The following DOCK8 variants were observed in gnomAD, a reference collection of about 807,000 sequenced individuals.
The protein encoded by DOCK8 is dedicator of cytokinesis protein 8.
Under a neutral mutation model 245.6 loss-of-function variants are expected in DOCK8, and 141 were observed. The observed-to-expected ratio is 0.57, with a 90% confidence interval of 0.50 to 0.66. The LOEUF is 0.66. Ranked by LOEUF, DOCK8 falls within the 30% of genes least tolerant of loss-of-function variation. The pLI is 0.00. For synonymous variants in DOCK8, 1,168 were observed against 970.2 expected (o/e 1.20, Z -3.79); for missense variants, 2,965 against 2,603.4 (o/e 1.14, Z -3.02).
intron 28 of DOCK8, among the ~76,000 whole-genome samples, chr9:407,820 A>C (rs922991438): frequency 6.6e-6 from 1 of 152,224 alleles, no homozygotes; most frequent in Non-Finnish European, 1.5e-5. Flanking sequence ...CATCAGAGAT[A>C]TATCAGTGCA....
intron 1 of DOCK8, among the ~76,000 whole-genome samples, chr9:219,013 A>T (rs1471719006): frequency 6.6e-6 from 1 of 152,230 alleles, no homozygotes; most frequent in East Asian, 1.9e-4. Flanking sequence ...CTGAGATTCA[A>T]ATGCAGGCAG....
At chr9:347,767 A>C (rs1050274580) in intron 14 of DOCK8, among the ~76,000 whole-genome samples, 2 of 152,180 alleles carry the variant, frequency 1.3e-5, no homozygotes. Flanking sequence ...CACATTCCTA[A>C]TGCCTTGCTC....
At chr9:429,930 AT>A (rs1330804303) in intron 36 of DOCK8, 76 bp downstream of exon 36, 4 of 1,568,210 alleles carry the variant, frequency 2.6e-6, no homozygotes, top group Non-Finnish European at 3.5e-6. Flanking sequence ...GCGAAAAAAA[AT>A]AAGGAAATTT....
intron 28 of DOCK8, among the ~76,000 whole-genome samples, chr9:413,748 T>G (rs184858196): frequency 3.3e-5 from 5 of 152,302 alleles, no homozygotes; most frequent in Admixed American, 1.3e-4. Context: ...AGACAGGTAA[T>G]AAAGTGTTGG....
At chr9:273,673 A>G (rs2048229283) in intron 2 of DOCK8, among the ~76,000 whole-genome samples, 2 of 150,708 alleles carry the variant, frequency 1.3e-5, no homozygotes, top group Non-Finnish European at 2.9e-5. Context: ...CTTTCTCTCC[A>G]TACCAGCTTT....
intron 22 of DOCK8, among the ~76,000 whole-genome samples, chr9:385,667 C>CCT (rs1563992475): frequency 6.6e-6 from 1 of 152,126 alleles, no homozygotes; most frequent in African/African-American, 2.4e-5. Flanking sequence ...ACAAATTACC[C>CCT]CTACCCCCCT....
At chr9:449,350 C>T (rs951264884) in intron 44 of DOCK8, among the ~76,000 whole-genome samples, 8 of 150,964 alleles carry the variant, frequency 5.3e-5, no homozygotes, top group African/African-American at 1.9e-4. Context: ...AACTCCATCT[C>T]AAATAAATAA....
chr9:289,915 T>C lies in DOCK8; in HGVS notation c.404+334T>C, dbSNP rs546357329. 2.6e-5 allele frequency among the ~76,000 whole-genome samples: 4 copies of C among 152,366 alleles called. No homozygotes were observed. The East Asian group carries it at 7.7e-4, about 29-fold the overall frequency. On this transcript the variant is annotated intron_variant, in intron 4 of 47. Coordinates refer to ENST00000432829, the MANE Select transcript of DOCK8 (RefSeq NM_203447.4). Reference sequence around the variant, plus strand: ...AATGTGTAATGACATGTATATGCCTTTACAGTATCATACAGAATTGTTTCA... The same window carrying C: ...AATGTGTAATGACATGTATATGCCTCTACAGTATCATACAGAATTGTTTCA...
At position 379,875 on chromosome 9, in the gene DOCK8, G is replaced by A. The variant is rs1471895911; in HGVS notation, c.2545G>A (p.Ala849Thr). Residue 849 changes from alanine to threonine, a missense_variant, in exon 21 of 48, where the codon GCT (alanine) becomes ACT (threonine). By Grantham distance (58) the Ala-to-Thr change is moderately conservative (BLOSUM62 0). Transcript: ENST00000432829. ...KDQHGRNCLL[A>T]SYVHYVFRLP... ...CCAGCATGGGAGGAACTGCCTGCTG[G>A]CTTCCTACGTGCACTACGTCTTCCG... 2 of 1,614,236 alleles carry A rather than the reference G, an allele frequency of 1.2e-6. No individual in the cohort carries two copies. The highest frequency in any genetic ancestry group is 1.6e-4 in the Middle Eastern group (1 of 6,062).
At chr9:355,851 G>C (rs1190862557) in intron 14 of DOCK8, among the ~76,000 whole-genome samples, 1 of 152,160 alleles carries the variant, frequency 6.6e-6, no homozygotes, top group East Asian at 1.9e-4. Context: ...ATTATCAAAT[G>C]TACAGAGTAC....
chr9:412,091 T>A (rs1422912880), intron 28 of DOCK8, among the ~76,000 whole-genome samples: 1 of 151,922 alleles, frequency 6.6e-6, no homozygotes, highest in Non-Finnish European at 1.5e-5. Flanking sequence ...CTAGGGCAAT[T>A]AGGCAAAAAA....
intron 5 of DOCK8, among the ~76,000 whole-genome samples, chr9:305,863 A>T (rs73639047): frequency 0.016 from 2,502 of 152,280 alleles, 82 homozygotes; most frequent in African/African-American, 0.057. Context: ...AGCAGCCAAA[A>T]AGTAGAAGCA....
At chr9:397,589 C>G (rs1006922750) in intron 25 of DOCK8, among the ~76,000 whole-genome samples, 2 of 151,360 alleles carry the variant, frequency 1.3e-5, no homozygotes, top group African/African-American at 2.4e-5. Context: ...TCTCGGGAGG[C>G]TGAGGTGGAA....
At chr9:333,377 A>G (rs201426309) in intron 10 of DOCK8, among the ~76,000 whole-genome samples, 135 of 152,292 alleles carry the variant, frequency 8.9e-4, no homozygotes, top group East Asian at 4.8e-3. Flanking sequence ...CAAGGCGGGC[A>G]GATCATGAGG....
intron 4 of DOCK8, among the ~76,000 whole-genome samples, chr9:302,678 T>C (rs1235015268): frequency 6.6e-6 from 1 of 152,116 alleles, no homozygotes; most frequent in African/African-American, 2.4e-5. Flanking sequence ...CATTTAAAAA[T>C]GGGCAAAGGA....
In DOCK8 at chr9:282,014, G is replaced by C. The variant is rs116644493; in HGVS notation, c.157-4447G>C. Among the ~76,000 whole-genome samples, 670 of 152,320 alleles carry C rather than the reference G, an allele frequency of 4.4e-3. 4 individuals carry two copies. The highest frequency in any genetic ancestry group is 0.015 in the African/African-American group (641 of 41,556). On this transcript the variant is annotated intron_variant, in intron 2 of 47. Transcript: ENST00000432829. ...GTACTGGAATAGCTTCAGACCTCGA[G>C]AGTTTATGACTTTATCATCAACTGG...
chr9:223,929 A>G (rs1275664492), intron 1 of DOCK8, among the ~76,000 whole-genome samples: 2 of 152,170 alleles, frequency 1.3e-5, no homozygotes, highest in Admixed American at 6.5e-5. Context: ...AATATATGGT[A>G]TAGCTTCTGG....
chr9:456,380 G>T (rs972311127), intron 46 of DOCK8: 3 of 152,200 alleles, frequency 2.0e-5, no homozygotes, highest in African/African-American at 7.2e-5. Flanking sequence ...AATATTTGGG[G>T]CTTGAACAGC....
intron 4 of DOCK8, among the ~76,000 whole-genome samples, chr9:295,297 C>T (rs1158153743): frequency 6.6e-6 from 1 of 152,092 alleles, no homozygotes; most frequent in Non-Finnish European, 1.5e-5. Flanking sequence ...GGGAAGAGGG[C>T]TGACTACAAA....
Sources: gnomAD v4.1 joint callset for allele counts (sites outside exome capture counted in the v4.1 genomes callset) on GRCh38, gnomAD v4.1.1 for gene constraint, MANE v1.5 for transcripts, NCBI Gene and HGNC (gene_info 2026-07-23, HGNC 2026-07-21) for gene names.